The following NEDD9 variants were observed in gnomAD, a reference collection of about 807,000 sequenced individuals.
The protein encoded by NEDD9 is enhancer of filamentation 1.
NEDD9 carries 26 observed loss-of-function variants against 76.6 expected under a neutral mutation model. The observed-to-expected ratio is 0.34, with a 90% CI of 0.25 to 0.47. NEDD9 has a LOEUF of 0.47. Among genes scored for constraint, NEDD9 ranks in the 20% least tolerant of loss-of-function variants. The pLI is 1.00. For synonymous variants in NEDD9, 392 were observed against 414.2 expected (o/e 0.95, Z 0.65); for missense variants, 937 against 1,058.5 (o/e 0.89, Z 1.59).
At chr6:11,225,803 T>C (rs1383900441) in intron 1 of NEDD9, among the ~76,000 whole-genome samples, 1 of 144,078 alleles carries the variant, frequency 6.9e-6, no homozygotes, top group Non-Finnish European at 1.5e-5. Flanking sequence ...GCCCGGCCTT[T>C]TTTTTTTTTT....
At chr6:11,298,645 A>T (rs1760961641) in intron 3 of NEDD9, among the ~76,000 whole-genome samples, 1 of 152,198 alleles carries the variant, frequency 6.6e-6, no homozygotes. Flanking sequence ...GAGAAGAGAG[A>T]CATTTTTTGT....
chr6:11,186,031 A>G (rs1040881367), intron 6 of NEDD9, among the ~76,000 whole-genome samples: 8 of 152,146 alleles, frequency 5.3e-5, no homozygotes, highest in African/African-American at 1.9e-4. Context: ...CTCTATGTAA[A>G]TGTTTATTAA....
chr6:11,340,624 G>T (rs1037022018), intron 1 of NEDD9, among the ~76,000 whole-genome samples: 3 of 152,090 alleles, frequency 2.0e-5, no homozygotes, highest in Non-Finnish European at 4.4e-5. Flanking sequence ...CCACACTAAG[G>T]TACCTGTCTC....
intron 1 of NEDD9, among the ~76,000 whole-genome samples, chr6:11,366,586 T>C (rs1307192955): frequency 1.3e-5 from 2 of 152,190 alleles, no homozygotes; most frequent in Non-Finnish European, 2.9e-5. Context: ...TTAAAAGCAA[T>C]GTATGAGAGG....
At chr6:11,224,607 G>A (rs778215625) in intron 1 of NEDD9, among the ~76,000 whole-genome samples, 3 of 149,690 alleles carry the variant, frequency 2.0e-5, no homozygotes, top group East Asian at 1.9e-4. Flanking sequence ...TAACAAGAAC[G>A]AAAGAACAAA....
intron 1 of NEDD9, among the ~76,000 whole-genome samples, chr6:11,373,856 C>T (rs998894364): frequency 1.3e-5 from 2 of 152,102 alleles, no homozygotes; most frequent in African/African-American, 2.4e-5. Context: ...AGGTGGGCCT[C>T]CAATCAGTTG....
chr6:11,219,230 G>A (rs1257538292), intron 1 of NEDD9, among the ~76,000 whole-genome samples: 3 of 152,130 alleles, frequency 2.0e-5, no homozygotes, highest in Non-Finnish European at 2.9e-5. Flanking sequence ...CTATCAAAAT[G>A]TCAAGAAAGC....
chr6:11,322,515 T>C (rs1693593471), intron 2 of NEDD9, among the ~76,000 whole-genome samples: 1 of 152,076 alleles, frequency 6.6e-6, no homozygotes, highest in Non-Finnish European at 1.5e-5. Flanking sequence ...TTGTCAGACA[T>C]GTGGCTAAGC....
chr6:11,365,727 C>T lies in NEDD9; in HGVS notation c.-214+16412G>A, dbSNP rs147038326. 6.3e-4 allele frequency among the ~76,000 whole-genome samples: 96 copies of T among 152,310 alleles called. 1 individual carries two copies. The highest frequency in any genetic ancestry group is 2.1e-3 in the African/African-American group (89 of 41,550). ...AAATGGGGCCGGGCGCAGTGGCTCA[C>T]GCCTGTAATCCCAGCACTTTGGGAG... On this transcript the variant is annotated intron_variant, in intron 1 of 3. Transcript: ENST00000397378.
At chr6:11,302,764 C>A (rs925280328) in intron 3 of NEDD9, among the ~76,000 whole-genome samples, 1 of 152,106 alleles carries the variant, frequency 6.6e-6, no homozygotes, top group Non-Finnish European at 1.5e-5. Context: ...ATGACAAAAA[C>A]CACATGATCA....
chr6:11,285,446 C>T (rs1393464914), intron 3 of NEDD9, among the ~76,000 whole-genome samples: 1 of 152,142 alleles, frequency 6.6e-6, no homozygotes, highest in Non-Finnish European at 1.5e-5. Flanking sequence ...GATATCACCC[C>T]AATCAAAAGC....
chr6:11,225,299 T>C (rs1759277407), intron 1 of NEDD9, among the ~76,000 whole-genome samples: 1 of 152,224 alleles, frequency 6.6e-6, no homozygotes, highest in Non-Finnish European at 1.5e-5. Context: ...ATTACCTTGA[T>C]ATGTTAGACA....
intron 3 of NEDD9, among the ~76,000 whole-genome samples, chr6:11,291,387 G>A (rs1760766495): frequency 1.4e-5 from 2 of 144,534 alleles, no homozygotes; most frequent in Admixed American, 7.5e-5. Flanking sequence ...CCATTCTCCT[G>A]CCTCAGCCTC....
chr6:11,306,736 A>G (rs376190680), intron 2 of NEDD9, among the ~76,000 whole-genome samples: 13 of 152,330 alleles, frequency 8.5e-5, no homozygotes, highest in African/African-American at 3.1e-4. Context: ...GCAGCTTGTG[A>G]AGGTCACTGG....
In NEDD9 at chr6:11,191,030, T is replaced by C; in HGVS notation, c.839A>G (p.Asn280Ser). Residue 280 changes from asparagine (N) to serine (S), a missense_variant, in exon 5 of 7, where the codon AAC becomes AGC. Coordinates refer to ENST00000379446, the MANE Select transcript of NEDD9 (RefSeq NM_006403.4). ...TTCTGCAGCTCCTGGAATGTCACAG[T>C]TGTATTTTACATGAAGGTCCTTCCC... is the stretch of plus-strand genomic sequence containing the variant. ...PAGKDLHVKY[N>S]CDIPGAAEPV... 6.2e-7 allele frequency: 1 copy of C among 1,613,946 alleles called. No individual in the cohort carries two copies. Among genetic ancestry groups the C allele is most frequent in the Non-Finnish European group, 8.5e-7 (1 of 1,180,002 alleles).
intron 4 of NEDD9, 59 bp downstream of exon 4, chr6:11,192,286 C>CT: frequency 1.9e-6 from 1 of 519,678 alleles, no homozygotes; most frequent in Non-Finnish European, 2.9e-6. Context: ...ACCCTGCACC[C>CT]CCCGACACAC....
chr6:11,269,809 A>C (rs912237900), intron 3 of NEDD9, among the ~76,000 whole-genome samples: 2 of 150,334 alleles, frequency 1.3e-5, no homozygotes, highest in South Asian at 4.2e-4. Flanking sequence ...GTAAACCATT[A>C]AAAAACAAAC....
chr6:11,245,968 A>G (rs879354387), intron 3 of NEDD9, among the ~76,000 whole-genome samples: 2 of 152,092 alleles, frequency 1.3e-5, no homozygotes, highest in Non-Finnish European at 2.9e-5. Context: ...TTTAAATTTA[A>G]CAAGGATATC....
chr6:11,293,191 TCTATG>T (rs1760816157), intron 3 of NEDD9, among the ~76,000 whole-genome samples: 1 of 141,912 alleles, frequency 7.0e-6, no homozygotes, highest in Admixed American at 7.2e-5. Flanking sequence ...ACAATCTAAG[TCTATG>T]TTTTTTTTTT....
Sources: allele counts gnomAD v4.1 joint callset (sites outside exome capture counted in the v4.1 genomes callset), GRCh38; gene constraint gnomAD v4.1.1; transcripts MANE v1.5; gene names NCBI Gene and HGNC (gene_info 2026-07-23, HGNC 2026-07-21).